GRM8: variants seen among roughly 807,000 people sequenced by gnomAD.
GRM8 encodes glutamate metabotropic receptor 8, also known as metabotropic glutamate receptor 8.
GRM8 carries 47 observed loss-of-function variants against 87.2 expected under a neutral mutation model. That is an observed-to-expected ratio of 0.54 (90% confidence interval 0.43 to 0.69). The LOEUF is 0.69. GRM8 is among the 30% of genes least tolerant of loss of function. The probability of loss-of-function intolerance (pLI) is 0.00; values close to 1 mark genes in which losing one functional copy is unlikely to be tolerated. For missense variants in GRM8, 1,019 were observed against 1,139.2 expected (o/e 0.89, Z 1.52); for synonymous variants, 396 against 404.5 (o/e 0.98, Z 0.25).
At chr7:127,178,314 A>C (rs1794232893) in intron 2 of GRM8, among the ~76,000 whole-genome samples, 1 of 152,182 alleles carries the variant, frequency 6.6e-6, no homozygotes, top group South Asian at 2.1e-4. Flanking sequence ...GAAAAAGAAT[A>C]AGAAAATATG....
intron 2 of GRM8, among the ~76,000 whole-genome samples, chr7:127,230,853 T>C (rs1169733835): frequency 1.3e-5 from 2 of 152,184 alleles, no homozygotes; most frequent in Admixed American, 6.5e-5. Flanking sequence ...CCACCCAGTC[T>C]AAGGTATTCT....
At chr7:126,922,345 G>A (rs117608815) in intron 3 of GRM8, among the ~76,000 whole-genome samples, 3,730 of 152,130 alleles carry the variant, frequency 0.025, 78 homozygotes, top group Non-Finnish European at 0.032. Context: ...GTGTTCATAC[G>A]CACATCCATG....
intron 10 of GRM8, among the ~76,000 whole-genome samples, chr7:126,441,130 T>C (rs1447374979): frequency 6.6e-6 from 1 of 152,070 alleles, no homozygotes; most frequent in Non-Finnish European, 1.5e-5. Context: ...AGCTGTCCTA[T>C]GAGAATGAAT....
At chr7:127,023,833 T>C (rs763801494) in intron 3 of GRM8, among the ~76,000 whole-genome samples, 6 of 152,032 alleles carry the variant, frequency 3.9e-5, no homozygotes, top group Non-Finnish European at 7.4e-5. Context: ...CCTCCATAAA[T>C]AGAAAAACTA....
intron 3 of GRM8, among the ~76,000 whole-genome samples, chr7:127,042,492 G>A (rs573174498): frequency 6.6e-6 from 1 of 152,308 alleles, no homozygotes; most frequent in African/African-American, 2.4e-5. Flanking sequence ...TGACAAACCT[G>A]ACAAAAACAA....
At chr7:126,749,509 A>G (rs1816144392) in intron 7 of GRM8, among the ~76,000 whole-genome samples, 1 of 151,350 alleles carries the variant, frequency 6.6e-6, no homozygotes, top group African/African-American at 2.4e-5. Flanking sequence ...ATGAAAGTGA[A>G]AAGAAAAATA....
intron 7 of GRM8, among the ~76,000 whole-genome samples, chr7:126,765,354 C>T (rs1316512933): frequency 2.6e-5 from 4 of 152,018 alleles, no homozygotes; most frequent in African/African-American, 9.7e-5. Context: ...TCCTGATGCA[C>T]ATTCACAAAT....
intron 6 of GRM8, among the ~76,000 whole-genome samples, chr7:126,819,784 C>A: frequency 6.6e-6 from 1 of 151,778 alleles, no homozygotes. Flanking sequence ...AATAAAAAGT[C>A]ACATTTATAT....
intron 3 of GRM8, among the ~76,000 whole-genome samples, chr7:127,073,620 C>A (rs1288478476): frequency 1.3e-5 from 2 of 151,980 alleles, no homozygotes; most frequent in Non-Finnish European, 1.5e-5. Flanking sequence ...CTTGGCTTTC[C>A]CAAAGTCTAT....
At chr7:126,998,696 T>C (rs1813419765) in intron 3 of GRM8, among the ~76,000 whole-genome samples, 1 of 151,352 alleles carries the variant, frequency 6.6e-6, no homozygotes, top group Non-Finnish European at 1.5e-5. Context: ...ACAAAGGAAT[T>C]AACTTAAAGA....
intron 3 of GRM8, among the ~76,000 whole-genome samples, chr7:127,012,078 C>G (rs1814950698): frequency 1.3e-5 from 2 of 152,110 alleles, no homozygotes; most frequent in African/African-American, 4.8e-5. Context: ...GTGTAGTGAT[C>G]CTAGCTGGGA....
At chr7:127,244,152 T>C (rs1047843831) in intron 1 of GRM8, among the ~76,000 whole-genome samples, 1 of 152,154 alleles carries the variant, frequency 6.6e-6, no homozygotes, top group Admixed American at 6.5e-5. Flanking sequence ...GACTTGAAAA[T>C]GAAACACACA....
rs1232034465 is a variant in GRM8, at chr7:127,242,805, C to T, written c.400G>A (p.Ala134Thr). The T allele has an allele frequency of 6.2e-7, 1 of 1,614,046 alleles. No homozygotes were observed. The highest frequency in any genetic ancestry group is 8.5e-7 in the Non-Finnish European group (1 of 1,180,032). Residue 134 changes from alanine (A) to threonine (T), a missense_variant, in exon 2 of 11, where the codon GCT (alanine) becomes ACT (threonine). Physicochemically the swap from Ala to Thr is moderately conservative, Grantham distance 58. Coordinates refer to ENST00000339582, the MANE Select transcript of GRM8 (RefSeq NM_000845.3). ...GTGAAAATGGGTGGATCTCCATTAG[C>T]ACACTTCACATCCGAAGCATCTTTC... is the stretch of plus-strand genomic sequence containing the variant. Reference protein sequence around the residue: ...IEKDASDVKCANGDPPIFTKP... With the variant: ...IEKDASDVKCTNGDPPIFTKP...
chr7:127,048,556 C>T (rs1049883448), intron 3 of GRM8, among the ~76,000 whole-genome samples: 3 of 152,194 alleles, frequency 2.0e-5, no homozygotes, highest in African/African-American at 7.2e-5. Context: ...GAAGAATTCA[C>T]GTCATTTAAT....
chr7:126,966,851 T>C (rs983907391), intron 3 of GRM8, among the ~76,000 whole-genome samples: 2 of 152,148 alleles, frequency 1.3e-5, no homozygotes, highest in African/African-American at 4.8e-5. Flanking sequence ...GGACCTGAAT[T>C]GTGATTCTGG....
chr7:126,799,399 T>G (rs116959835), intron 6 of GRM8, among the ~76,000 whole-genome samples: 1,827 of 152,186 alleles, frequency 0.012, 9 homozygotes, highest in Non-Finnish European at 0.019. Context: ...GAGGAGCATG[T>G]TGGTCTGATG....
chr7:126,612,553 G>A (rs556308033), intron 7 of GRM8, among the ~76,000 whole-genome samples: 10 of 152,202 alleles, frequency 6.6e-5, no homozygotes, highest in Admixed American at 5.2e-4. Context: ...CGAAGCACTC[G>A]CAACATTCCA....
chr7:127,002,409 C>A (rs918591081), intron 3 of GRM8, among the ~76,000 whole-genome samples: 1 of 151,598 alleles, frequency 6.6e-6, no homozygotes, highest in African/African-American at 2.4e-5. Context: ...TCCTACCCAG[C>A]TGGGAAATAT....
At chr7:127,130,343 G>A (rs1365533039) in intron 2 of GRM8, among the ~76,000 whole-genome samples, 1 of 152,162 alleles carries the variant, frequency 6.6e-6, no homozygotes, top group Non-Finnish European at 1.5e-5. Context: ...GGCAGAGGTT[G>A]GAACAGTTTG....
Sources: gnomAD v4.1 joint callset for allele counts (sites outside exome capture counted in the v4.1 genomes callset) on GRCh38, gnomAD v4.1.1 for gene constraint, MANE v1.5 for transcripts, NCBI Gene and HGNC (gene_info 2026-07-23, HGNC 2026-07-21) for gene names.